IMMP2L: variants seen among roughly 807,000 people sequenced by gnomAD.
The protein encoded by IMMP2L is mitochondrial inner membrane protease subunit 2.
A neutral mutation model predicts 19.3 loss-of-function variants in IMMP2L; 18 were observed. That is an observed-to-expected ratio of 0.93 (90% CI 0.64 to 1.38). The LOEUF (loss-of-function observed/expected upper bound fraction) is 1.38, where lower values mean the gene tolerates loss of function less well. Ranked by LOEUF, IMMP2L falls within the 40% of genes most tolerant of loss-of-function variation. IMMP2L has a pLI of 0.00. For missense variants in IMMP2L, 233 were observed against 218.2 expected, an observed-to-expected ratio of 1.07 and a Z score of -0.43; for synonymous variants, 76 against 73.0, an observed-to-expected ratio of 1.04 and a Z score of -0.21.
chr7:111,266,089 TTTAC>T (rs1367820924), intron 3 of IMMP2L, among the ~76,000 whole-genome samples: 14 of 152,298 alleles, frequency 9.2e-5, no homozygotes, highest in East Asian at 7.7e-4. Context: ...TAAAGCATAT[TTTAC>T]TTACTTAGTT....
intron 3 of IMMP2L, among the ~76,000 whole-genome samples, chr7:111,067,352 C>A (rs1794599579): frequency 6.6e-6 from 1 of 152,154 alleles, no homozygotes; most frequent in Admixed American, 6.5e-5. Context: ...GGGAAGCTGA[C>A]CTATATGGAT....
At chr7:111,115,975 C>T (rs1204820249) in intron 3 of IMMP2L, among the ~76,000 whole-genome samples, 1 of 152,130 alleles carries the variant, frequency 6.6e-6, no homozygotes, top group East Asian at 1.9e-4. Flanking sequence ...CCACATCCGG[C>T]CGGAATTATT....
intron 3 of IMMP2L, among the ~76,000 whole-genome samples, chr7:111,173,664 CAG>C (rs1167482420): frequency 6.6e-6 from 1 of 151,618 alleles, no homozygotes; most frequent in African/African-American, 2.4e-5. Flanking sequence ...TCTGGAGTAA[CAG>C]TGTCATTTCC....
chr7:111,494,253 G>C (rs1416172788), intron 2 of IMMP2L, among the ~76,000 whole-genome samples: 1 of 152,090 alleles, frequency 6.6e-6, no homozygotes, highest in Non-Finnish European at 1.5e-5. Flanking sequence ...GTATTTGATT[G>C]TATCAGATAT....
At chr7:110,938,659 C>A (rs1430281364) in intron 4 of IMMP2L, among the ~76,000 whole-genome samples, 1 of 151,978 alleles carries the variant, frequency 6.6e-6, no homozygotes, top group Non-Finnish European at 1.5e-5. Context: ...GCGATGGGTA[C>A]AGTAAAAGCC....
At chr7:111,242,374 G>C (rs1229812542) in intron 3 of IMMP2L, among the ~76,000 whole-genome samples, 1 of 152,074 alleles carries the variant, frequency 6.6e-6, no homozygotes, top group East Asian at 1.9e-4. Flanking sequence ...TGGAATTGCA[G>C]TCATTTTGAT....
At chr7:111,288,939 A>C (rs1023740973) in intron 3 of IMMP2L, among the ~76,000 whole-genome samples, 1 of 152,156 alleles carries the variant, frequency 6.6e-6, no homozygotes, top group African/African-American at 2.4e-5. Context: ...AAAGATTGTA[A>C]ATCATTCTAC....
intron 3 of IMMP2L, among the ~76,000 whole-genome samples, chr7:111,278,696 TATG>T (rs1331626940): frequency 6.6e-6 from 1 of 152,162 alleles, no homozygotes; most frequent in Admixed American, 6.6e-5. Context: ...CCTAATAAAG[TATG>T]ATCTTTTGTT....
Position 111,444,866 on chromosome 7 carries a change from C to T in IMMP2L, c.239+42372G>A, listed in dbSNP as rs571564965. Among the ~76,000 whole-genome samples the T allele has an allele frequency of 6.6e-5, 10 of 152,102 alleles. 1 individual carries two copies. The East Asian group carries it at 1.7e-3, about 26-fold the overall frequency. On this transcript the variant is annotated intron_variant, in intron 3 of 5. Transcript: ENST00000405709. ...TCTAATTACAGTAGGAAGGTCTGTC[C>T]CTTCCTACTGTCCTTCAGCATAATA...
chr7:111,341,763 T>G (rs1827030363), intron 3 of IMMP2L, among the ~76,000 whole-genome samples: 1 of 152,154 alleles, frequency 6.6e-6, no homozygotes, highest in Non-Finnish European at 1.5e-5. Flanking sequence ...TTTAGAAACT[T>G]AATCCCAATG....
chr7:110,883,447 T>A (rs1272545700), intron 5 of IMMP2L, among the ~76,000 whole-genome samples: 1 of 152,168 alleles, frequency 6.6e-6, no homozygotes, highest in Non-Finnish European at 1.5e-5. Context: ...GTGATTGAAT[T>A]AGCTCTTTTC....
rs201627019 is a variant in IMMP2L at position 111,179,199 on chromosome 7, GA to G, written c.240-215635del. Reference sequence around the variant, plus strand: ...CATTTTCAATGAGCAGTAATATTTTGAAAAAAAAAATTTTATCTGAGAAGTA... The same window carrying G: ...CATTTTCAATGAGCAGTAATATTTTGAAAAAAAAATTTTATCTGAGAAGTA... On this transcript the variant is annotated intron_variant, in intron 3 of 5. Coordinates refer to ENST00000405709, the MANE Select transcript of IMMP2L (RefSeq NM_032549.4). 2.4e-3 allele frequency among the ~76,000 whole-genome samples: 360 copies of G among 149,732 alleles called. 2 individuals are homozygous for G. Among genetic ancestry groups the G allele is most frequent in the African/African-American group, 8.6e-3 (351 of 40,888 alleles).
At chr7:110,977,145 T>G (rs1563128177) in intron 3 of IMMP2L, among the ~76,000 whole-genome samples, 2 of 152,002 alleles carry the variant, frequency 1.3e-5, no homozygotes, top group African/African-American at 2.4e-5. Flanking sequence ...CGGTCATTAA[T>G]TCATTCAGCA....
chr7:111,143,347 G>A (rs898199684), intron 3 of IMMP2L, among the ~76,000 whole-genome samples: 3 of 152,008 alleles, frequency 2.0e-5, no homozygotes, highest in Non-Finnish European at 4.4e-5. Context: ...CTAAATAAGC[G>A]AGGTAAACAC....
chr7:111,268,597 TTTTTTTTTTTTTTG>T, intron 3 of IMMP2L, among the ~76,000 whole-genome samples: 1 of 61,304 alleles, frequency 1.6e-5, no homozygotes, highest in Admixed American at 2.2e-4. Context: ...TTTTTTTTTT[TTTTTTTTTTTTTTG>T]AGACCAAGTC....
At chr7:111,284,858 A>C (rs986695881) in intron 3 of IMMP2L, among the ~76,000 whole-genome samples, 1 of 152,144 alleles carries the variant, frequency 6.6e-6, no homozygotes, top group Non-Finnish European at 1.5e-5. Context: ...AGGAAAACAC[A>C]CTCACTCTAC....
intron 3 of IMMP2L, among the ~76,000 whole-genome samples, chr7:111,032,255 T>C (rs1790905201): frequency 6.6e-6 from 1 of 152,164 alleles, no homozygotes; most frequent in African/African-American, 2.4e-5. Context: ...CCATTAGTAC[T>C]GGCAAAAGAA....
intron 3 of IMMP2L, among the ~76,000 whole-genome samples, chr7:110,969,696 G>C (rs1563121803): frequency 6.6e-6 from 1 of 152,028 alleles, no homozygotes; most frequent in Non-Finnish European, 1.5e-5. Context: ...CAAATTTCAA[G>C]CAATGTGACT....
intron 3 of IMMP2L, among the ~76,000 whole-genome samples, chr7:111,473,663 TA>T (rs1288500863): frequency 2.0e-5 from 3 of 152,142 alleles, no homozygotes; most frequent in Non-Finnish European, 4.4e-5. Context: ...TGACATTGCA[TA>T]AACATCTGTG....
Sources: allele counts gnomAD v4.1 joint callset (sites outside exome capture counted in the v4.1 genomes callset), GRCh38; gene constraint gnomAD v4.1.1; transcripts MANE v1.5; gene names NCBI Gene and HGNC (gene_info 2026-07-23, HGNC 2026-07-21).